UNC5D: variants seen among roughly 807,000 people sequenced by gnomAD.
UNC5D encodes unc-5 netrin receptor D.
A neutral mutation model predicts 105.4 loss-of-function variants in UNC5D; 39 were observed. That is an observed-to-expected ratio of 0.37 (90% CI 0.29 to 0.48). The LOEUF (loss-of-function observed/expected upper bound fraction) is 0.48. Among genes scored for constraint, UNC5D ranks in the 20% least tolerant of loss-of-function variants. The pLI, the probability that UNC5D is intolerant of heterozygous loss-of-function variation, is 0.98. For synonymous variants in UNC5D, 452 were observed against 450.4 expected, an observed-to-expected ratio of 1.00 and a Z score of -0.04; for missense variants, 991 against 1,202.4, an observed-to-expected ratio of 0.82 and a Z score of 2.60.
intron 1 of UNC5D, among the ~76,000 whole-genome samples, chr8:35,400,742 C>A (rs926507721): frequency 3.3e-5 from 5 of 152,198 alleles, no homozygotes; most frequent in African/African-American, 1.2e-4. Context: ...CCACCACATT[C>A]AAAATTGGCC....
chr8:35,541,909 TG>T (rs2130635447), intron 1 of UNC5D, among the ~76,000 whole-genome samples: 1 of 152,348 alleles, frequency 6.6e-6, no homozygotes, highest in Non-Finnish European at 1.5e-5. Context: ...AACGTGCTTT[TG>T]TAGAGTCTAC....
chr8:35,426,612 A>G (rs1026224831), intron 1 of UNC5D, among the ~76,000 whole-genome samples: 4 of 152,146 alleles, frequency 2.6e-5, no homozygotes, highest in Non-Finnish European at 4.4e-5. Context: ...TTTTATGGGG[A>G]TGTCCTTTTG....
At position 35,793,522 on chromosome 8, in the gene UNC5D, A is replaced by G. The variant is rs560836896; in HGVS notation, c.*2959A>G. On this transcript the variant is annotated 3_prime_UTR_variant, in exon 17 of 17. Coordinates refer to ENST00000404895, the MANE Select transcript of UNC5D (RefSeq NM_080872.4). ...AAATTTTTACAAAAATATCCCACTC[A>G]ATGCCAAATCTTTCAGTCCTCAAAG... 6.3e-6 allele frequency: 1 copy of G among 159,960 alleles called. No individual in the cohort carries two copies. The highest frequency in any genetic ancestry group is 6.3e-5 in the Admixed American group (1 of 15,800). The allele number at this position is 159,960 out of a possible 1,614,324, so 9.9% of individuals were successfully genotyped here. A position where few individuals can be genotyped will look rare whatever the true frequency, so the allele number is the denominator to read the frequency against.
chr8:35,629,166 TAAGTCCAAGA>T (rs1395670219), intron 4 of UNC5D, among the ~76,000 whole-genome samples: 2 of 152,218 alleles, frequency 1.3e-5, no homozygotes, highest in Non-Finnish European at 2.9e-5. Context: ...TTTTGTGCTT[TAAGTCCAAGA>T]GTAGAAAGCT....
chr8:35,380,783 A>C (rs1198258056), intron 1 of UNC5D, among the ~76,000 whole-genome samples: 4 of 152,212 alleles, frequency 2.6e-5, no homozygotes, highest in African/African-American at 9.6e-5. Context: ...TATTGCGCAG[A>C]AACTGATCAC....
At chr8:35,332,340 CT>C (rs1394406673) in intron 1 of UNC5D, among the ~76,000 whole-genome samples, 12 of 152,272 alleles carry the variant, frequency 7.9e-5, no homozygotes, top group Admixed American at 4.6e-4. Context: ...AGTTCTTGGT[CT>C]AATATTCTCA....
intron 1 of UNC5D, among the ~76,000 whole-genome samples, chr8:35,448,194 A>G (rs1172351400): frequency 6.6e-6 from 1 of 152,030 alleles, no homozygotes; most frequent in African/African-American, 2.4e-5. Flanking sequence ...CTATCCCTGG[A>G]AGATTTCAGG....
rs140048207 is a variant in UNC5D, at chr8:35,342,457, C to A, written c.103+106570C>A. On this transcript the variant is annotated intron_variant, in intron 1 of 16. Transcript: ENST00000404895. The stretch of plus-strand genomic sequence containing the variant: ...TTCATCAGGTAACTTGTTGGGAATC[C>A]ACCATCGGCAGATAATGGGAGTACA... Among the ~76,000 whole-genome samples, 402 of 152,174 alleles carry A rather than the reference C, an allele frequency of 2.6e-3. 2 individuals are homozygous for A. The highest frequency in any genetic ancestry group is 8.5e-3 in the African/African-American group (353 of 41,530).
At chr8:35,360,252 AT>A (rs1418959550) in intron 1 of UNC5D, among the ~76,000 whole-genome samples, 4 of 152,062 alleles carry the variant, frequency 2.6e-5, no homozygotes, top group African/African-American at 9.7e-5. Flanking sequence ...GTTGTCTCTG[AT>A]TTCCTTTTAC....
chr8:35,540,292 A>G (rs965742249), intron 1 of UNC5D, among the ~76,000 whole-genome samples: 1 of 152,110 alleles, frequency 6.6e-6, no homozygotes, highest in African/African-American at 2.4e-5. Flanking sequence ...AAATCTTATA[A>G]TCTTATTCTT....
intron 1 of UNC5D, among the ~76,000 whole-genome samples, chr8:35,535,971 C>T (rs1814804334): frequency 2.0e-5 from 3 of 152,122 alleles, no homozygotes; most frequent in Non-Finnish European, 4.4e-5. Context: ...AAATATCTTG[C>T]CTAAGATCAC....
intron 1 of UNC5D, among the ~76,000 whole-genome samples, chr8:35,393,948 T>C (rs1344649328): frequency 6.6e-6 from 1 of 152,216 alleles, no homozygotes; most frequent in African/African-American, 2.4e-5. Context: ...TTTCATCTTC[T>C]TTTTTCTCTT....
At chr8:35,432,625 T>C (rs1806719449) in intron 1 of UNC5D, among the ~76,000 whole-genome samples, 1 of 152,176 alleles carries the variant, frequency 6.6e-6, no homozygotes, top group African/African-American at 2.4e-5. Flanking sequence ...TTATGCTTGC[T>C]AGTGGAAAAG....
At chr8:35,512,461 G>A (rs1172730664) in intron 1 of UNC5D, among the ~76,000 whole-genome samples, 1 of 89,708 alleles carries the variant, frequency 1.1e-5, no homozygotes, top group African/African-American at 4.8e-5. Context: ...GGCTAATAGT[G>A]AGCCATATAT....
intron 1 of UNC5D, among the ~76,000 whole-genome samples, chr8:35,387,362 CAA>C (rs745672033): frequency 6.1e-5 from 7 of 114,074 alleles, no homozygotes; most frequent in Admixed American, 9.1e-5. Context: ...GACTCCATCT[CAA>C]AAAAAAAAAA....
intron 1 of UNC5D, among the ~76,000 whole-genome samples, chr8:35,264,868 G>C (rs1289382976): frequency 6.6e-6 from 1 of 152,182 alleles, no homozygotes; most frequent in Non-Finnish European, 1.5e-5. Flanking sequence ...GTAGAGTGGA[G>C]TTTGCACAGC....
chr8:35,552,642 T>C (rs1363658499), intron 2 of UNC5D, among the ~76,000 whole-genome samples: 5 of 152,212 alleles, frequency 3.3e-5, no homozygotes, highest in South Asian at 2.1e-4. Context: ...AATGTTGATA[T>C]AGTTTTGATT....
chr8:35,650,123 CAAACAAAAAACAAA>C (rs372820431), intron 4 of UNC5D, among the ~76,000 whole-genome samples: 2,537 of 151,870 alleles, frequency 0.017, 29 homozygotes, highest in Non-Finnish European at 0.024. Context: ...CTACAAAAAA[CAAACAAAAAACAAA>C]AAACAAAAAA....
intron 4 of UNC5D, 58 bp downstream of exon 4, chr8:35,595,715 A>T (rs1367783302): frequency 1.3e-6 from 2 of 1,507,012 alleles, no homozygotes; most frequent in African/African-American, 2.8e-5. Context: ...CCCAAGAGGG[A>T]GGGCGGAGTC....
Sources: gnomAD v4.1 joint callset for allele counts (sites outside exome capture counted in the v4.1 genomes callset) on GRCh38, gnomAD v4.1.1 for gene constraint, MANE v1.5 for transcripts, NCBI Gene and HGNC (gene_info 2026-07-23, HGNC 2026-07-21) for gene names.